Variants in MKX observed in about 807,000 individuals in gnomAD.
MKX encodes the protein homeobox protein Mohawk.
A neutral mutation model predicts 36.0 loss-of-function variants in MKX; 13 were observed. The observed-to-expected ratio is 0.36, with a 90% CI of 0.24 to 0.57. The LOEUF (loss-of-function observed/expected upper bound fraction) is 0.57. MKX is among the 20% of genes least tolerant of loss of function. MKX has a pLI of 0.79. For missense variants in MKX, 458 were observed against 456.4 expected (o/e 1.00, Z -0.03); for synonymous variants, 176 against 178.3 (o/e 0.99, Z 0.10).
At chr10:27,692,796 A>G (rs1836478689) in intron 5 of MKX, among the ~76,000 whole-genome samples, 1 of 152,216 alleles carries the variant, frequency 6.6e-6, no homozygotes, top group South Asian at 2.1e-4. Flanking sequence ...ATACACTGAC[A>G]TAGTGATGAG....
intron 5 of MKX, among the ~76,000 whole-genome samples, chr10:27,713,656 T>C (rs567694926): frequency 4.6e-5 from 7 of 152,144 alleles, no homozygotes; most frequent in South Asian, 2.1e-4. Context: ...ATAATGAGGA[T>C]CAAATAAAAT....
chr10:27,726,930 A>G (rs1834503686), intron 5 of MKX, among the ~76,000 whole-genome samples: 1 of 152,136 alleles, frequency 6.6e-6, no homozygotes, highest in Non-Finnish European at 1.5e-5. Context: ...TAAATACGTG[A>G]AAGACACGGT....
Position 27,741,533 on chromosome 10 carries a change from G to C in MKX, c.189-29C>G, listed in dbSNP as rs765891977. Reference sequence around the variant, plus strand: ...GGACATGGGGAGAGGAGGCGGCCCTGGTGAGCGACGCGTTTGCCCGCCCGG... The same window carrying C: ...GGACATGGGGAGAGGAGGCGGCCCTCGTGAGCGACGCGTTTGCCCGCCCGG... On this transcript the variant is annotated intron_variant, in intron 2 of 6. Coordinates refer to ENST00000419761, the MANE Select transcript of MKX (RefSeq NM_173576.3). The surrounding 1 kb of genome is among the most constrained non-coding windows in gnomAD (Gnocchi z 5.1). The C allele has an allele frequency of 2.6e-6, 4 of 1,542,960 alleles. No individual in the cohort carries two copies. The highest frequency in any genetic ancestry group is 4.3e-5 in the Admixed American group (2 of 46,910).
At chr10:27,682,632 T>G (rs1485018602) in intron 5 of MKX, among the ~76,000 whole-genome samples, 1 of 152,144 alleles carries the variant, frequency 6.6e-6, no homozygotes, top group African/African-American at 2.4e-5. Context: ...GGGGTGCGTT[T>G]CAGGATAAAA....
At chr10:27,705,024 A>G (rs1836724329) in intron 5 of MKX, among the ~76,000 whole-genome samples, 1 of 152,238 alleles carries the variant, frequency 6.6e-6, no homozygotes, top group Admixed American at 6.5e-5. Context: ...ATCAAAAGAA[A>G]TATGAATATG....
At chr10:27,677,305 C>G (rs74129335) in intron 5 of MKX, among the ~76,000 whole-genome samples, 16,043 of 152,112 alleles carry the variant, frequency 0.11, 1,414 homozygotes, top group East Asian at 0.5. Flanking sequence ...CCTTTTACGC[C>G]CCCTGCCCCT....
intron 5 of MKX, among the ~76,000 whole-genome samples, chr10:27,688,311 T>C (rs1836393322): frequency 6.6e-6 from 1 of 152,170 alleles, no homozygotes; most frequent in African/African-American, 2.4e-5. Flanking sequence ...ATGAAAACCA[T>C]TATGTAAGGA....
intron 5 of MKX, among the ~76,000 whole-genome samples, chr10:27,700,237 C>T (rs1427020837): frequency 6.6e-6 from 1 of 152,040 alleles, no homozygotes; most frequent in Non-Finnish European, 1.5e-5. Context: ...GTGGAGTAGC[C>T]CTAAAGCAGG....
chr10:27,709,458 G>A lies in MKX; in HGVS notation c.838+24998C>T, dbSNP rs543902326. On this transcript the variant is annotated intron_variant, in intron 5 of 6. Coordinates refer to ENST00000419761, the MANE Select transcript of MKX (RefSeq NM_173576.3). The stretch of plus-strand genomic sequence containing the variant: ...GGAACCAAGCCTCCCAAGATACAGA[G>A]GGATGACTGTACTGTAGGGTAGTCA... Among the ~76,000 whole-genome samples the A allele has an allele frequency of 6.6e-5, 10 of 152,276 alleles. No homozygotes were observed. In the East Asian group the frequency reaches 1.4e-3, roughly 21 times the overall value.
rs767979947 is a variant in MKX at position 27,741,500 on chromosome 10, G to A, written c.193C>T (p.Arg65Trp). The A allele has an allele frequency of 3.8e-6, 6 of 1,591,534 alleles. No individual in the cohort carries two copies. The African/African-American group carries it at 6.8e-5, about 18-fold the overall frequency. ...TGCCTCACCTTCCCGCCATTCTGCC[G>A]GGCGCTGGGACATGGGGAGAGGAGG... ...LGLRHRRTGA[R>W]QNGGKVRHKR... The change falls in exon 3 of 7, where the codon CGG becomes TGG. Residue 65 changes from arginine to tryptophan, a missense_variant. By Grantham distance (101) the Arg-to-Trp change is moderately radical (BLOSUM62 -3). Transcript: ENST00000419761. The surrounding 1 kb of genome is among the most constrained non-coding windows in gnomAD (Gnocchi z 5.1).
Position 27,734,555 on chromosome 10 carries a change from G to T in MKX, c.739C>A (p.Gln247Lys). 6.2e-7 allele frequency: 1 copy of T among 1,614,020 alleles called. No homozygotes were observed. Among genetic ancestry groups the T allele is most frequent in the Non-Finnish European group, 8.5e-7 (1 of 1,179,958 alleles). Residue 247 changes from glutamine to lysine, a missense_variant, in exon 5 of 7, where the codon CAA (glutamine) becomes AAA (lysine). Coordinates refer to ENST00000419761, the MANE Select transcript of MKX (RefSeq NM_173576.3). ...CTAAAAGATCCCGAGTGGTTTCTTT[G>T]CCTTGTTTTTCCCATCATGGTAGTG... ...TNTTMMGKTR[Q>K]RNHSGSFSSN...
chr10:27,676,578 A>G (rs1836156103), intron 5 of MKX, among the ~76,000 whole-genome samples: 1 of 151,954 alleles, frequency 6.6e-6, no homozygotes. Context: ...GGGTTTCACC[A>G]TGTTGATCAG....
intron 5 of MKX, among the ~76,000 whole-genome samples, chr10:27,701,788 A>T (rs1317318786): frequency 7.0e-6 from 1 of 142,106 alleles, no homozygotes; most frequent in Non-Finnish European, 1.5e-5. Context: ...TATACATAAT[A>T]TAAAAATAAG....
At chr10:27,716,038 G>A (rs1164607613) in intron 5 of MKX, among the ~76,000 whole-genome samples, 2 of 152,120 alleles carry the variant, frequency 1.3e-5, no homozygotes, top group African/African-American at 4.8e-5. Flanking sequence ...AAACAGATAT[G>A]AATTCGAATC....
At position 27,741,590 on chromosome 10, in the gene MKX, G is replaced by A; in HGVS notation, c.189-86C>T. 8 of 1,435,734 alleles carry A rather than the reference G, an allele frequency of 5.6e-6. No homozygotes were observed. The highest frequency in any genetic ancestry group is 4.8e-5 in the East Asian group (2 of 41,456). 88.9% of individuals were successfully genotyped at this position (1,435,734 alleles called of 1,614,324 possible). On this transcript the variant is annotated intron_variant, in intron 2 of 6. Transcript: ENST00000419761. The surrounding 1 kb of genome is among the most constrained non-coding windows in gnomAD (Gnocchi z 5.1). ...CACGCCCCGGCCAAGCCCGGGCCCCGCATCCAAACTGCGCATTCCTGCCTT... is the reference window on the plus strand; with the variant it reads ...CACGCCCCGGCCAAGCCCGGGCCCCACATCCAAACTGCGCATTCCTGCCTT...
chr10:27,724,318 C>A (rs1033215965), intron 5 of MKX, among the ~76,000 whole-genome samples: 4 of 152,164 alleles, frequency 2.6e-5, no homozygotes, highest in Non-Finnish European at 4.4e-5. Context: ...TGCAGTCCAG[C>A]AGTTCCGGAA....
chr10:27,718,613 A>G (rs1834299423), intron 5 of MKX: 1 of 442,734 alleles, frequency 2.3e-6, no homozygotes, highest in African/African-American at 2.0e-5. Flanking sequence ...AGACAAAAAG[A>G]AAAGTCAGGT....
chr10:27,708,612 T>C (rs1589673095), intron 5 of MKX, among the ~76,000 whole-genome samples: 1 of 151,878 alleles, frequency 6.6e-6, no homozygotes, highest in African/African-American at 2.4e-5. Flanking sequence ...GCCTCTAGTC[T>C]CAGCTACTTG....
chr10:27,723,340 A>C (rs192709539), intron 5 of MKX, among the ~76,000 whole-genome samples: 1 of 152,344 alleles, frequency 6.6e-6, no homozygotes, highest in East Asian at 1.9e-4. Context: ...GACCAGTTGC[A>C]CTAGTGACAA....
Sources: allele counts gnomAD v4.1 joint callset (sites outside exome capture counted in the v4.1 genomes callset), GRCh38; gene constraint gnomAD v4.1.1; non-coding constraint Gnocchi (gnomAD v3.1); transcripts MANE v1.5; gene names NCBI Gene and HGNC (gene_info 2026-07-23, HGNC 2026-07-21).